ME3: variants seen among roughly 807,000 people sequenced by gnomAD.
ME3 encodes NADP-dependent malic enzyme, mitochondrial.
In ME3, 48 loss-of-function variants were observed where a neutral mutation model predicts 68.9. The ratio of observed to expected loss-of-function variants is 0.70; its 90% CI spans 0.55 to 0.89. ME3 has a LOEUF of 0.89. Among genes scored for constraint, ME3 ranks in the 40% least tolerant of loss-of-function variants. The pLI is 0.00. For missense variants in ME3, 675 were observed against 797.4 expected (o/e 0.85, Z 1.85); for synonymous variants, 320 against 318.8 (o/e 1.00, Z -0.04).
intron 13 of ME3, among the ~76,000 whole-genome samples, chr11:86,444,364 T>C (rs1397871920): frequency 6.6e-6 from 1 of 152,168 alleles, no homozygotes; most frequent in East Asian, 1.9e-4. Flanking sequence ...GTGCCTTGTA[T>C]GGAAATCATG....
At chr11:86,616,913 T>G (rs2135236308) in intron 2 of ME3, among the ~76,000 whole-genome samples, 1 of 152,286 alleles carries the variant, frequency 6.6e-6, no homozygotes, top group Middle Eastern at 3.4e-3. Flanking sequence ...ATTAATTTCT[T>G]AGTTTTGATA....
At chr11:86,608,910 T>C (rs1196434130) in intron 2 of ME3, among the ~76,000 whole-genome samples, 6 of 152,204 alleles carry the variant, frequency 3.9e-5, no homozygotes, top group Non-Finnish European at 2.9e-5. Context: ...AAAAGGCACG[T>C]ATTTTTTTGG....
chr11:86,607,389 TG>T (rs1961839315), intron 2 of ME3, among the ~76,000 whole-genome samples: 2 of 151,710 alleles, frequency 1.3e-5, no homozygotes, highest in Admixed American at 1.3e-4. Context: ...CCATACTCAT[TG>T]GTGGTCATTT....
intron 3 of ME3, among the ~76,000 whole-genome samples, chr11:86,557,536 G>A (rs1050873823): frequency 2.6e-5 from 4 of 152,214 alleles, no homozygotes; most frequent in Admixed American, 2.6e-4. Context: ...CTCTGGGCAT[G>A]ACATCAGGAT....
At chr11:86,670,922 G>A (rs551806081) in intron 2 of ME3, among the ~76,000 whole-genome samples, 1 of 152,346 alleles carries the variant, frequency 6.6e-6, no homozygotes, top group African/African-American at 2.4e-5. Context: ...TTGGGCCTCA[G>A]ATAAGTTAAA....
chr11:86,646,568 A>G (rs1016191542), intron 2 of ME3, among the ~76,000 whole-genome samples: 3 of 152,214 alleles, frequency 2.0e-5, no homozygotes, highest in Non-Finnish European at 4.4e-5. Flanking sequence ...GATGAAACCT[A>G]CGTTTGATTG....
At chr11:86,498,597 G>A (rs547494813) in intron 5 of ME3, among the ~76,000 whole-genome samples, 6 of 152,278 alleles carry the variant, frequency 3.9e-5, no homozygotes, top group African/African-American at 1.2e-4. Context: ...TGAAAAATCC[G>A]ATCTGCAAAG....
At chr11:86,511,160 G>C (rs1481908324) in intron 4 of ME3, among the ~76,000 whole-genome samples, 2 of 152,154 alleles carry the variant, frequency 1.3e-5, no homozygotes, top group African/African-American at 4.8e-5. Context: ...CAATAATCTT[G>C]TAACATCCAC....
chr11:86,564,070 A>T (rs1957363148), intron 2 of ME3, among the ~76,000 whole-genome samples: 1 of 152,194 alleles, frequency 6.6e-6, no homozygotes, highest in Non-Finnish European at 1.5e-5. Context: ...GATTCTTCCA[A>T]TCCATTAGCA....
chr11:86,660,341 G>A (rs1370211896), intron 2 of ME3, among the ~76,000 whole-genome samples: 2 of 152,204 alleles, frequency 1.3e-5, no homozygotes, highest in African/African-American at 2.4e-5. Context: ...AGCCCACACA[G>A]GGCTTCACAA....
At chr11:86,483,946 C>T (rs1156615719) in intron 7 of ME3, among the ~76,000 whole-genome samples, 4 of 152,190 alleles carry the variant, frequency 2.6e-5, no homozygotes, top group Non-Finnish European at 4.4e-5. Context: ...GTACAATGCA[C>T]CCATCCACTG....
chr11:86,500,423 AC>A (rs994671137), intron 5 of ME3, among the ~76,000 whole-genome samples: 4 of 152,070 alleles, frequency 2.6e-5, no homozygotes, highest in African/African-American at 9.7e-5. Flanking sequence ...TCTACTGTCC[AC>A]CCGCAATCCT....
rs150338522 is a variant in ME3, at chr11:86,643,782, A to G, written c.183+27980T>C. On this transcript the variant is annotated intron_variant, in intron 2 of 14. Coordinates refer to ENST00000543262, the Ensembl canonical transcript of ME3. The stretch of plus-strand genomic sequence containing the variant: ...CCATGAACCCAGCACAGTGCCTGGA[A>G]CACAGTAGGTTCTCAATAAGTTTAT... Among the ~76,000 whole-genome samples the G allele has an allele frequency of 3.5e-3, 535 of 152,272 alleles. 2 individuals are homozygous for G. The highest frequency in any genetic ancestry group is 0.013 in the African/African-American group (520 of 41,540).
At chr11:86,526,278 A>G (rs1157843656) in intron 4 of ME3, among the ~76,000 whole-genome samples, 2 of 152,288 alleles carry the variant, frequency 1.3e-5, no homozygotes, top group East Asian at 3.9e-4. Flanking sequence ...TTGCTAGTAC[A>G]GCAGTCTGAG....
At chr11:86,513,800 G>GT (rs1953702961) in intron 4 of ME3, among the ~76,000 whole-genome samples, 2 of 152,140 alleles carry the variant, frequency 1.3e-5, no homozygotes, top group South Asian at 4.1e-4. Context: ...AGAAGATATA[G>GT]TACCCCCAGG....
chr11:86,521,452 T>A (rs994644113), intron 4 of ME3, among the ~76,000 whole-genome samples: 24 of 136,944 alleles, frequency 1.8e-4, no homozygotes, highest in East Asian at 3.9e-4. Flanking sequence ...ATAATAATAA[T>A]AAAAAAATGG....
At chr11:86,540,668 C>T (rs1052451693) in intron 4 of ME3, among the ~76,000 whole-genome samples, 9 of 152,208 alleles carry the variant, frequency 5.9e-5, no homozygotes, top group African/African-American at 1.9e-4. Context: ...GGGAAATTTA[C>T]TGTAGGTACA....
At chr11:86,671,255 T>C (rs2135536089) in intron 2 of ME3, among the ~76,000 whole-genome samples, 1 of 152,330 alleles carries the variant, frequency 6.6e-6, no homozygotes, top group South Asian at 2.1e-4. Flanking sequence ...ATCCTTGCTC[T>C]CAAATTAATC....
At chr11:86,654,083 C>A (rs537140623) in intron 2 of ME3, among the ~76,000 whole-genome samples, 11 of 152,076 alleles carry the variant, frequency 7.2e-5, no homozygotes, top group Non-Finnish European at 1.3e-4. Flanking sequence ...ATAACAGGAG[C>A]TGAAATTGAG....
Sources: gnomAD v4.1 joint callset for allele counts (sites outside exome capture counted in the v4.1 genomes callset) on GRCh38, gnomAD v4.1.1 for gene constraint, MANE v1.5 for transcripts, NCBI Gene and HGNC (gene_info 2026-07-23, HGNC 2026-07-21) for gene names.